Variants in SORBS3 observed in about 807,000 individuals in gnomAD.
SORBS3 encodes sorbin and SH3 domain containing 3.
In SORBS3, 69 loss-of-function variants were observed where a neutral mutation model predicts 98.0. The observed-to-expected ratio is 0.70, with a 90% CI of 0.58 to 0.86. The LOEUF is 0.86. Among genes scored for constraint, SORBS3 ranks in the 40% least tolerant of loss-of-function variants. The probability of loss-of-function intolerance (pLI) is 0.00; values close to 1 mark genes in which losing one functional copy is unlikely to be tolerated. For synonymous variants in SORBS3, 394 were observed against 355.4 expected, an observed-to-expected ratio of 1.11 and a Z score of -1.22; for missense variants, 954 against 908.5, an observed-to-expected ratio of 1.05 and a Z score of -0.64.
rs759053804 is a variant in SORBS3, at chr8:22,571,714, C to T, written c.1744-4C>T. The T allele has an allele frequency of 1.2e-6, 2 of 1,611,710 alleles. No homozygotes were observed. The highest frequency in any genetic ancestry group is 1.7e-6 in the Non-Finnish European group (2 of 1,178,032). ...GACATCCCTTTCTTCCTGTCAACTC[C>T]CAGAATCTTGGCACCCCTGGTCCAG... On this transcript the variant is annotated splice_region_variant and splice_polypyrimidine_tract_variant and intron_variant, in intron 18 of 20. Transcript: ENST00000240123.
intron 6 of SORBS3, 25 bp from the exon 7 acceptor site, chr8:22,561,840 C>T (rs1840301612): frequency 6.2e-7 from 1 of 1,610,142 alleles, no homozygotes; most frequent in African/African-American, 1.3e-5. Context: ...ACCTTCAATG[C>T]TTTCCTCGTG....
intron 19 of SORBS3, 71 bp downstream of exon 19, chr8:22,571,892 C>T: frequency 8.9e-7 from 1 of 1,122,100 alleles, no homozygotes; most frequent in Non-Finnish European, 1.4e-6. Context: ...CATATTCCAC[C>T]CTCCCCCAAG....
intron 1 of SORBS3, among the ~76,000 whole-genome samples, chr8:22,546,861 C>G (rs1840021182): frequency 6.6e-6 from 1 of 152,092 alleles, no homozygotes; most frequent in African/African-American, 2.4e-5. Flanking sequence ...CAAGGAAAAA[C>G]AAGCTCCCCT....
At chr8:22,570,138 A>G (rs1309177469) in intron 17 of SORBS3, among the ~76,000 whole-genome samples, 1 of 152,210 alleles carries the variant, frequency 6.6e-6, no homozygotes, top group Non-Finnish European at 1.5e-5. Flanking sequence ...TTTTGGGAGC[A>G]GTGATCATGC....
Position 22,554,965 on chromosome 8 carries a change from G to C in SORBS3, c.205G>C (p.Ala69Pro). The C allele has an allele frequency of 6.2e-7, 1 of 1,613,558 alleles. No individual in the cohort carries two copies. Among genetic ancestry groups the C allele is most frequent in the Non-Finnish European group, 8.5e-7 (1 of 1,179,874 alleles). The change falls in exon 3 of 21, where the codon GCT becomes CCT. Residue 69 changes from alanine (A) to proline (P), a missense_variant. Coordinates refer to ENST00000240123, the MANE Select transcript of SORBS3 (RefSeq NM_005775.5). The surrounding 1 kb of genome is among the most constrained non-coding windows in gnomAD (Gnocchi z 6.5). The part of the protein sequence containing the change: ...CNGGYTPRRD[A>P]SQHPDPAWYQ... The stretch of plus-strand genomic sequence containing the variant: ...TGGGGGCTACACACCAAGACGAGAT[G>C]CTTCCCAGCACCCGGGTAGGTCTGC...
chr8:22,552,019 G>A lies in SORBS3; in HGVS notation c.-59G>A. 1 of 985,136 alleles carries A rather than the reference G, an allele frequency of 1.0e-6. No individual in the cohort carries two copies. The highest frequency in any genetic ancestry group is 1.2e-6 in the Non-Finnish European group (1 of 829,888). The allele number at this position is 985,136 out of a possible 1,614,324, so 61.0% of individuals were successfully genotyped here. A position where few individuals can be genotyped will look rare whatever the true frequency, so the allele number is the denominator to read the frequency against. ...CGGGCCCAGCCACCTGCTCGCCGGG[G>A]AAGGTAGGTCCGGGCAAGGAGGGGC... On this transcript the variant is annotated 5_prime_UTR_variant, in exon 1 of 21. Transcript: ENST00000240123.
Position 22,566,863 on chromosome 8 carries a change from C to G in SORBS3, c.1185C>G (p.Ser395=). 1 of 1,611,226 alleles carries G rather than the reference C, an allele frequency of 6.2e-7. No homozygotes were observed. The highest frequency in any genetic ancestry group is 8.5e-7 in the Non-Finnish European group (1 of 1,178,792). Residue 395 remains serine (S), a synonymous_variant, in exon 15 of 21, where the codon TCC becomes TCG. Transcript: ENST00000240123. ...TCAAGTTTGACTTCCAGGCGCAGTCCCCCAAGTAAGCGCCCTCCTCCCCCT... is the reference window on the plus strand; with the variant it reads ...TCAAGTTTGACTTCCAGGCGCAGTCGCCCAAGTAAGCGCCCTCCTCCCCCT... ...ARLKFDFQAQ[S]PKELTLQKGD...
At chr8:22,550,400 C>A (rs559539289), upstream of SORBS3, among the ~76,000 whole-genome samples, 1 of 152,210 alleles carries the variant, frequency 6.6e-6, no homozygotes, top group East Asian at 1.9e-4. Flanking sequence ...AAAATTTGTC[C>A]TGGGAAGCCT....
In SORBS3 at chr8:22,565,317, A is replaced by G; in HGVS notation, c.866A>G (p.Asp289Gly). 6.4e-7 allele frequency: 1 copy of G among 1,559,624 alleles called. No homozygotes were observed. Among genetic ancestry groups the G allele is most frequent in the Non-Finnish European group, 8.7e-7 (1 of 1,152,250 alleles). Residue 289 changes from aspartate (D) to glycine (G), a missense_variant, in exon 11 of 21, where the codon GAC becomes GGC. By Grantham distance (94) the Asp-to-Gly change is moderately conservative. Transcript: ENST00000240123. ...GAGCTGAGCGCCGAGCTGGACAAGG[A>G]CCTGCGGGCAATTGAGACCCGACTG... ...LAELSAELDK[D>G]LRAIETRLPS...
chr8:22,544,995 A>G (rs1840002605), exon 1 of SORBS3: 1 of 152,220 alleles, frequency 6.6e-6, no homozygotes, highest in African/African-American at 2.4e-5. Flanking sequence ...CAGGCAGAAA[A>G]GATGGCAGAG....
At chr8:22,555,713 T>A (rs944366433) in intron 3 of SORBS3, among the ~76,000 whole-genome samples, 2 of 152,102 alleles carry the variant, frequency 1.3e-5, no homozygotes, top group Admixed American at 1.3e-4. Flanking sequence ...TTGCTGGGTG[T>A]GGTGGCGGGT....
rs750210348 is a variant in SORBS3, at chr8:22,569,189, G to A, written c.1347G>A (p.Pro449=). The A allele has an allele frequency of 8.1e-6, 13 of 1,611,104 alleles. No individual in the cohort carries two copies. The highest frequency in any genetic ancestry group is 4.5e-5 in the East Asian group (2 of 44,586). ...ADEIPKPIKP[P]TYQVLEYGEA... is the part of the protein sequence containing the mutation. ...AGATCCCTAAGCCCATCAAGCCCCC[G>A]ACCTACCAGGTGCTGGAGTATGGAG... Residue 449 remains proline (P), a synonymous_variant, in exon 17 of 21, where the codon CCG becomes CCA. Transcript: ENST00000240123.
At chr8:22,550,810 G>C (rs903572565), upstream of SORBS3, among the ~76,000 whole-genome samples, 4 of 152,238 alleles carry the variant, frequency 2.6e-5, no homozygotes, top group African/African-American at 7.2e-5. Context: ...CTCCCAGCTC[G>C]TAGCTAAAGT....
intron 7 of SORBS3, 68 bp downstream of exon 7, chr8:22,561,999 G>A (rs1441982129): frequency 1.3e-5 from 19 of 1,479,532 alleles, no homozygotes; most frequent in Non-Finnish European, 1.7e-5. Context: ...TGGGACGGGC[G>A]CCCCCTCGTG....
intron 20 of SORBS3, among the ~76,000 whole-genome samples, chr8:22,572,795 A>G (rs892323870): frequency 2.0e-5 from 3 of 152,170 alleles, no homozygotes; most frequent in African/African-American, 7.2e-5. Context: ...TCCTGGTGGA[A>G]AGGACCAGGG....
rs1346647791 is a variant in SORBS3 at position 22,564,104 on chromosome 8, C to G, written c.675+27C>G. 5.0e-6 allele frequency: 8 copies of G among 1,603,368 alleles called. No individual in the cohort carries two copies. The African/African-American group carries it at 9.4e-5, about 19-fold the overall frequency. On this transcript the variant is annotated intron_variant, in intron 8 of 20. Coordinates refer to ENST00000240123, the MANE Select transcript of SORBS3 (RefSeq NM_005775.5). The stretch of plus-strand genomic sequence containing the variant: ...TAGCCCACCCAGCATAGTCCCTGGT[C>G]AGCCCCAGCTGTATGCCGTATGGCC...
At chr8:22,564,673 GTGGC>G in intron 10 of SORBS3, 152 bp downstream of exon 10, 1 of 1,367,204 alleles carries the variant, frequency 7.3e-7, no homozygotes, top group Non-Finnish European at 9.8e-7. Flanking sequence ...ACTCAGGACA[GTGGC>G]TGGCATACAG....
chr8:22,557,641 A>G (rs990712180), intron 4 of SORBS3, among the ~76,000 whole-genome samples: 3 of 127,346 alleles, frequency 2.4e-5, no homozygotes, highest in Non-Finnish European at 3.5e-5. Flanking sequence ...CCCTGTCTCT[A>G]TAAAAAAAAA....
rs145262800 is a variant in SORBS3, at chr8:22,564,517, T to C, written c.812T>C (p.Ile271Thr). 3.2e-4 allele frequency: 512 copies of C among 1,613,904 alleles called. No individual in the cohort carries two copies. In the African/African-American group the frequency reaches 5.0e-3, roughly 16 times the overall value. ...CCTGGTGAGAAGCCCTCCCAGCCCA[T>C]TGAGGTGAGTGCTGCAGGGTGCTGG... ...DDPGEKPSQP[I>T]EVLLERELAE... The change falls in exon 10 of 21, where the codon ATT becomes ACT. Residue 271 changes from isoleucine to threonine, a missense_variant. Ile to Thr is a moderately conservative substitution (Grantham distance 89). Transcript: ENST00000240123.
Sources: allele counts gnomAD v4.1 joint callset (sites outside exome capture counted in the v4.1 genomes callset), GRCh38; gene constraint gnomAD v4.1.1; non-coding constraint Gnocchi (gnomAD v3.1); transcripts MANE v1.5; gene names NCBI Gene and HGNC (gene_info 2026-07-23, HGNC 2026-07-21).